The following GPR82 variants were observed in gnomAD, a reference collection of about 807,000 sequenced individuals.
The protein encoded by GPR82 is G protein-coupled receptor 82, also known as probable G protein-coupled receptor 82.
In GPR82, 6 loss-of-function variants were observed where a neutral mutation model predicts 12.9. That is an observed-to-expected ratio of 0.46 (90% CI 0.25 to 0.92). GPR82 has a LOEUF of 0.92. Among genes scored for constraint, GPR82 ranks in the 40% least tolerant of loss-of-function variants. The probability of loss-of-function intolerance (pLI) is 0.16; values close to 1 mark genes in which losing one functional copy is unlikely to be tolerated. For missense variants in GPR82, 241 were observed against 245.5 expected, an observed-to-expected ratio of 0.98 and a Z score of 0.12; for synonymous variants, 90 against 87.6, an observed-to-expected ratio of 1.03 and a Z score of -0.15.
At position 41,729,234 on chromosome X, in the gene GPR82, C is replaced by G. The variant is rs1002155560; in HGVS notation, c.*1197C>G. The G allele has an allele frequency of 1.6e-5, 2 of 122,917 alleles. No homozygotes were observed. The highest frequency in any genetic ancestry group is 3.8e-5 in the Non-Finnish European group (2 of 53,231). The allele number at this position is 122,917 out of a possible 1,213,427, so 10.1% of individuals were successfully genotyped here. On this transcript the variant is annotated 3_prime_UTR_variant, in exon 3 of 3. Transcript: ENST00000302548. ...TAGGCAAATTAACTTATCCTCTGTA[C>G]GTGTTAATTTCTTCATTTGTAGAGC... is the stretch of plus-strand genomic sequence containing the variant.
Position 41,728,254 on chromosome X carries a change from CA to C in GPR82, c.*218del. ...GAAACTTTCAGAAGCAAAAATTAAG[CA>C]TATTGAAAGGATCCCACTCATATGA... is the stretch of plus-strand genomic sequence containing the variant. On this transcript the variant is annotated 3_prime_UTR_variant, in exon 3 of 3. Transcript: ENST00000302548. 3.4e-6 allele frequency: 1 copy of C among 293,164 alleles called. No individual in the cohort carries two copies. Among genetic ancestry groups the C allele is most frequent in the Non-Finnish European group, 6.1e-6 (1 of 162,633 alleles). The allele number at this position is 293,164 out of a possible 1,213,427, so 24.2% of individuals were successfully genotyped here.
At chrX:41,724,668 C>G (rs762336942) in intron 1 of GPR82, among the ~76,000 whole-genome samples, 1 of 111,565 alleles carries the variant, frequency 9.0e-6, no homozygotes, top group Non-Finnish European at 1.9e-5. Flanking sequence ...AGGAGATGTA[C>G]ATAGTAGATA....
chrX:41,726,975 T>A lies in GPR82; in HGVS notation c.-34-18T>A. ...CCAAAAATAATTTTAATATTAAATA[T>A]CTGCAATTCTATTCTAGCTCCTGTG... On this transcript the variant is annotated intron_variant, in intron 2 of 2. Transcript: ENST00000302548. 1 of 646,511 alleles carries A rather than the reference T, an allele frequency of 1.5e-6. No homozygotes were observed. Among genetic ancestry groups the A allele is most frequent in the Non-Finnish European group, 2.3e-6 (1 of 432,443 alleles). 53.3% of individuals were successfully genotyped at this position (646,511 alleles called of 1,213,427 possible).
rs752374685 is a variant in GPR82 at position 41,727,680 on chromosome X, A to T, written c.654A>T (p.Leu218=). ...TTGGATTTTCCTTTTTAGTAGTACTAACATCATACTACTCTTTTGTAAGCC... is the reference window on the plus strand; with the variant it reads ...TTGGATTTTCCTTTTTAGTAGTACTTACATCATACTACTCTTTTGTAAGCC... ...TFIGFSFLVV[L]TSYYSFVSHL... The change falls in exon 3 of 3, where the codon CTA becomes CTT. Residue 218 remains leucine, a synonymous_variant. Transcript: ENST00000302548. The T allele has an allele frequency of 2.5e-6, 3 of 1,199,829 alleles. No homozygotes were observed. The East Asian group carries it at 8.9e-5, about 36-fold the overall frequency.
chrX:41,729,261 G>A lies in GPR82; in HGVS notation c.*1224G>A, dbSNP rs1160201091. 8.1e-6 allele frequency: 1 copy of A among 123,202 alleles called. No homozygotes were observed. The highest frequency in any genetic ancestry group is 3.3e-5 in the African/African-American group (1 of 30,741). The allele number at this position is 123,202 out of a possible 1,213,427, so 10.2% of individuals were successfully genotyped here. ...TGTTAATTTCTTCATTTGTAGAGCA[G>A]AAAATACTATCTTATTTACAGATCC... On this transcript the variant is annotated 3_prime_UTR_variant, in exon 3 of 3. Transcript: ENST00000302548.
chrX:41,728,201 AAC>A lies in GPR82; in HGVS notation c.*166_*167del, dbSNP rs2068303707. The A allele has an allele frequency of 5.6e-6, 2 of 354,351 alleles. No homozygotes were observed. Among genetic ancestry groups the A allele is most frequent in the African/African-American group, 5.3e-5 (2 of 37,467 alleles). The allele number at this position is 354,351 out of a possible 1,213,427, so 29.2% of individuals were successfully genotyped here. On this transcript the variant is annotated 3_prime_UTR_variant, in exon 3 of 3. Transcript: ENST00000302548. ...AAACATATATTCATAAAACTCAAAA[AAC>A]AGTTATACTGAACGTTGAGATGGCA...
Position 41,727,881 on chromosome X carries a change from T to G in GPR82, c.855T>G (p.Asn285Lys), listed in dbSNP as rs1209909417. 2 of 1,203,076 alleles carry G rather than the reference T, an allele frequency of 1.7e-6. No homozygotes were observed. Among genetic ancestry groups the G allele is most frequent in the Non-Finnish European group, 2.2e-6 (2 of 889,036 alleles). ...LHQRDNCQQLNYLIETKNILT... is the reference protein window; with the variant it reads ...LHQRDNCQQLKYLIETKNILT... ...AAAGAGATAACTGTCAGCAATTGAATTATTTAATAGAAACAAAAAACATTC... is the reference window on the plus strand; with the variant it reads ...AAAGAGATAACTGTCAGCAATTGAAGTATTTAATAGAAACAAAAAACATTC... The change falls in exon 3 of 3, where the codon AAT becomes AAG. Residue 285 changes from asparagine to lysine, a missense_variant. Asn to Lys is a moderately conservative substitution (Grantham distance 94). Coordinates refer to ENST00000302548, the MANE Select transcript of GPR82 (RefSeq NM_080817.5).
chrX:41,725,939 ACTCC>A (rs1159773885), intron 1 of GPR82, among the ~76,000 whole-genome samples: 1 of 110,961 alleles, frequency 9.0e-6, no homozygotes, highest in Non-Finnish European at 1.9e-5. Context: ...GCAGCCTTGA[ACTCC>A]TAGGCTCAAC....
At position 41,727,793 on chromosome X, in the gene GPR82, T is replaced by G. The variant is rs201113155; in HGVS notation, c.767T>G (p.Ile256Ser). The G allele has an allele frequency of 5.8e-6, 7 of 1,202,806 alleles. No individual in the cohort carries two copies. The highest frequency in any genetic ancestry group is 2.3e-4 in the Middle Eastern group (1 of 4,330). ...AAAAGACATCTTTTGGTCATCCAGA[T>G]TCTACTAATAGTTTGCTTCCTTCCT... ...SVKRHLLVIQILLIVCFLPYS... is the reference protein window; with the variant it reads ...SVKRHLLVIQSLLIVCFLPYS... Residue 256 changes from isoleucine (I) to serine (S), a missense_variant, in exon 3 of 3, where the codon ATT (isoleucine) becomes AGT (serine). By Grantham distance (142) the Ile-to-Ser change is moderately radical. Coordinates refer to ENST00000302548, the MANE Select transcript of GPR82 (RefSeq NM_080817.5).
Position 41,728,770 on chromosome X carries a change from G to A in GPR82, c.*733G>A, listed in dbSNP as rs1229876336. 1 of 122,609 alleles carries A rather than the reference G, an allele frequency of 8.2e-6. No individual in the cohort carries two copies. The highest frequency in any genetic ancestry group is 1.9e-5 in the Non-Finnish European group (1 of 52,989). 10.1% of individuals were successfully genotyped at this position (122,609 alleles called of 1,213,427 possible). On this transcript the variant is annotated 3_prime_UTR_variant, in exon 3 of 3. Transcript: ENST00000302548. ...AAACAAAACAAAAAAATAAAAATAA[G>A]TAAAAAAATAAATAAGAAATATCCT... is the stretch of plus-strand genomic sequence containing the variant.
Position 41,727,941 on chromosome X carries a change from C to A in GPR82, c.915C>A (p.Asp305Glu), listed in dbSNP as rs1402182326. ...TCLASARSST[D>E]PIIFLLLDKT... ...TTGCTTCGGCCAGAAGTAGCACAGA[C>A]CCCATTATATTTCTTTTATTAGATA... Residue 305 changes from aspartate (D) to glutamate (E), a missense_variant, in exon 3 of 3, where the codon GAC (aspartate) becomes GAA (glutamate). Asp to Glu is a conservative substitution (Grantham distance 45). Coordinates refer to ENST00000302548, the MANE Select transcript of GPR82 (RefSeq NM_080817.5). The A allele has an allele frequency of 8.5e-7, 1 of 1,176,871 alleles. No homozygotes were observed. Among genetic ancestry groups the A allele is most frequent in the Non-Finnish European group, 1.2e-6 (1 of 865,605 alleles).
chrX:41,727,846 G>A lies in GPR82; in HGVS notation c.820G>A (p.Val274Ile), dbSNP rs2068292942. The A allele has an allele frequency of 8.4e-7, 1 of 1,187,480 alleles. No homozygotes were observed. Among genetic ancestry groups the A allele is most frequent in the South Asian group, 1.8e-5 (1 of 55,444 alleles). ...PYSIFKPIFY[V>I]LHQRDNCQQL... ...TAGTATTTTTAAACCCATTTTTTAT[G>A]TTCTACACCAAAGAGATAACTGTCA... The change falls in exon 3 of 3, where the codon GTT becomes ATT. Residue 274 changes from valine to isoleucine, a missense_variant. By Grantham distance (29) the Val-to-Ile change is conservative. Coordinates refer to ENST00000302548, the MANE Select transcript of GPR82 (RefSeq NM_080817.5).
In GPR82 at chrX:41,727,784, T is replaced by A. The variant is rs1421206196; in HGVS notation, c.758T>A (p.Val253Asp). ...TYSSVKRHLL[V>D]IQILLIVCFL... ...AGTTCTGTGAAAAGACATCTTTTGGTCATCCAGATTCTACTAATAGTTTGC... is the reference window on the plus strand; with the variant it reads ...AGTTCTGTGAAAAGACATCTTTTGGACATCCAGATTCTACTAATAGTTTGC... The change falls in exon 3 of 3, where the codon GTC (valine) becomes GAC (aspartate). Residue 253 changes from valine (V) to aspartate (D), a missense_variant. By Grantham distance (152) the Val-to-Asp change is radical. Coordinates refer to ENST00000302548, the MANE Select transcript of GPR82 (RefSeq NM_080817.5). 8.3e-7 allele frequency: 1 copy of A among 1,205,571 alleles called. No homozygotes were observed. The highest frequency in any genetic ancestry group is 1.1e-6 in the Non-Finnish European group (1 of 889,946).
At chrX:41,724,394 C>T (rs2068219956) in intron 1 of GPR82, 105 bp downstream of exon 1, 2 of 112,456 alleles carry the variant, frequency 1.8e-5, no homozygotes, top group African/African-American at 6.5e-5. Context: ...GAAAGGCAGT[C>T]AGCATATTAA....
In GPR82 at chrX:41,724,268, T is replaced by C. The variant is rs2068216606; in HGVS notation, c.-127T>C. ...ACTGCCCTGAACAATATAACCTTAGTTGGCATAAACTACTCATACAGGTAA... is the reference window on the plus strand; with the variant it reads ...ACTGCCCTGAACAATATAACCTTAGCTGGCATAAACTACTCATACAGGTAA... On this transcript the variant is annotated 5_prime_UTR_variant, in exon 1 of 3. Transcript: ENST00000302548. 8.9e-6 allele frequency: 1 copy of C among 112,804 alleles called. No homozygotes were observed. Among genetic ancestry groups the C allele is most frequent in the Non-Finnish European group, 1.9e-5 (1 of 53,356 alleles). 9.3% of individuals were successfully genotyped at this position (112,804 alleles called of 1,213,427 possible).
rs1005752869 is a variant in GPR82, at chrX:41,730,103, G to A, written c.*2066G>A. ...CTTCTCAGATAACCAAACAAAAACA[G>A]CTGAATAAAATCAACCATTAATAGT... On this transcript the variant is annotated 3_prime_UTR_variant, in exon 3 of 3. Transcript: ENST00000302548. 8.2e-6 allele frequency: 1 copy of A among 121,431 alleles called. No homozygotes were observed. Among genetic ancestry groups the A allele is most frequent in the Non-Finnish European group, 1.9e-5 (1 of 52,933 alleles). 10.0% of individuals were successfully genotyped at this position (121,431 alleles called of 1,213,427 possible). A position where few individuals can be genotyped will look rare whatever the true frequency, so the allele number is the denominator to read the frequency against.
intron 1 of GPR82, among the ~76,000 whole-genome samples, chrX:41,726,250 G>C (rs775184031): frequency 2.4e-4 from 27 of 112,722 alleles, no homozygotes; most frequent in African/African-American, 7.7e-4. Flanking sequence ...ACATCTGGCT[G>C]TAACTACAGT....
At position 41,729,073 on chromosome X, in the gene GPR82, C is replaced by G. The variant is rs772864515; in HGVS notation, c.*1036C>G. On this transcript the variant is annotated 3_prime_UTR_variant, in exon 3 of 3. Transcript: ENST00000302548. The stretch of plus-strand genomic sequence containing the variant: ...ATAATGTTATTAGTGACAAACAGTA[C>G]CTGGCAGTTAATTTTTTGTGAAATA... 1 of 123,137 alleles carries G rather than the reference C, an allele frequency of 8.1e-6. No homozygotes were observed. The highest frequency in any genetic ancestry group is 3.7e-4 in the South Asian group (1 of 2,680). 10.1% of individuals were successfully genotyped at this position (123,137 alleles called of 1,213,427 possible).
At position 41,727,406 on chromosome X, in the gene GPR82, C is replaced by T. The variant is rs879019690; in HGVS notation, c.380C>T (p.Ser127Leu). The T allele has an allele frequency of 9.1e-6, 11 of 1,210,831 alleles. No individual in the cohort carries two copies. The highest frequency in any genetic ancestry group is 6.5e-5 in the Admixed American group (3 of 46,018). Residue 127 changes from serine to leucine, a missense_variant, in exon 3 of 3, where the codon TCG becomes TTG. Ser to Leu is a moderately radical substitution (Grantham distance 145). Coordinates refer to ENST00000302548, the MANE Select transcript of GPR82 (RefSeq NM_080817.5). Reference sequence around the variant, plus strand: ...GCTACCTTAATGCAAAAGGATTCCTCGCAAGAGACTACTTCATGCTATGAG... The same window carrying T: ...GCTACCTTAATGCAAAAGGATTCCTTGCAAGAGACTACTTCATGCTATGAG... ...RYATLMQKDS[S>L]QETTSCYEKI...
Sources: allele counts gnomAD v4.1 joint callset (sites outside exome capture counted in the v4.1 genomes callset), GRCh38; gene constraint gnomAD v4.1.1; transcripts MANE v1.5; gene names NCBI Gene and HGNC (gene_info 2026-07-23, HGNC 2026-07-21).